Variants in GAP43 observed in about 807,000 individuals in gnomAD.
GAP43 encodes the protein growth associated protein 43.
A neutral mutation model predicts 18.6 loss-of-function variants in GAP43; 6 were observed. That is an observed-to-expected ratio of 0.32 (90% CI 0.18 to 0.64). The LOEUF (loss-of-function observed/expected upper bound fraction) is 0.64. Among genes scored for constraint, GAP43 ranks in the 30% least tolerant of loss-of-function variants. The pLI is 0.78. For synonymous variants in GAP43, 115 were observed against 111.4 expected (o/e 1.03, Z -0.20); for missense variants, 292 against 295.5 (o/e 0.99, Z 0.09).
rs375806733 is a variant in GAP43 at position 115,649,822 on chromosome 3, A to AAAAAAG, written c.30+26106_30+26107insAAGAAA. 1.5e-3 allele frequency among the ~76,000 whole-genome samples: 209 copies of AAAAAAG among 137,242 alleles called. 2 individuals are homozygous for AAAAAAG. The highest frequency in any genetic ancestry group is 6.0e-3 in the South Asian group (25 of 4,188). 90.0% of individuals were successfully genotyped at this position (137,242 alleles called of 152,430 possible). On this transcript the variant is annotated intron_variant, in intron 1 of 2. Transcript: ENST00000305124. ...GAGACCCTGTCTCTAAAAAAAAAAA[A>AAAAAAG]AAAGAAAGAAAGAAAGAAAAAGAAA...
intron 1 of GAP43, among the ~76,000 whole-genome samples, chr3:115,630,331 T>C (rs746932202): frequency 9.2e-5 from 14 of 152,206 alleles, no homozygotes; most frequent in Non-Finnish European, 1.3e-4. Flanking sequence ...CACATAATAA[T>C]ATTTCACAAA....
At chr3:115,640,058 A>G (rs1400403847) in intron 1 of GAP43, among the ~76,000 whole-genome samples, 2 of 152,088 alleles carry the variant, frequency 1.3e-5, no homozygotes, top group African/African-American at 4.8e-5. Context: ...TGTTAGTCTA[A>G]GTTTCAAACT....
intron 1 of GAP43, among the ~76,000 whole-genome samples, chr3:115,623,994 C>T (rs997568424): frequency 6.6e-6 from 1 of 151,710 alleles, no homozygotes; most frequent in Non-Finnish European, 1.5e-5. Flanking sequence ...GAATGCTCAG[C>T]ATTTGAGGTC....
chr3:115,623,763 C>T, intron 1 of GAP43, 44 bp downstream of exon 1: 2 of 1,607,894 alleles, frequency 1.2e-6, no homozygotes, highest in South Asian at 1.1e-5. Context: ...TGAAATAACC[C>T]GAGTACAGTA....
chr3:115,636,058 C>A (rs904685251), intron 1 of GAP43, among the ~76,000 whole-genome samples: 1 of 152,062 alleles, frequency 6.6e-6, no homozygotes, highest in Non-Finnish European at 1.5e-5. Context: ...TATAGTAAAA[C>A]TCCATCTGTA....
chr3:115,712,532 AT>A (rs1157171470), intron 2 of GAP43, among the ~76,000 whole-genome samples: 1 of 152,226 alleles, frequency 6.6e-6, no homozygotes, highest in African/African-American at 2.4e-5. Context: ...AACCCCATAA[AT>A]TGGATTAAAA....
chr3:115,708,577 A>G (rs1709394239), intron 2 of GAP43, among the ~76,000 whole-genome samples: 1 of 152,184 alleles, frequency 6.6e-6, no homozygotes, highest in Non-Finnish European at 1.5e-5. Context: ...TTCAGGGGAA[A>G]TGTCTCAGCC....
chr3:115,674,093 A>G (rs894352386), intron 1 of GAP43, among the ~76,000 whole-genome samples: 1 of 152,206 alleles, frequency 6.6e-6, no homozygotes, highest in African/African-American at 2.4e-5. Flanking sequence ...GACAGGTGGA[A>G]AACTTGTCCT....
intron 1 of GAP43, among the ~76,000 whole-genome samples, chr3:115,662,850 G>A (rs1438970543): frequency 1.3e-5 from 2 of 152,202 alleles, no homozygotes; most frequent in East Asian, 3.8e-4. Context: ...TGCAGAATTA[G>A]ACAATATCTC....
At chr3:115,689,306 T>C (rs1238445059) in intron 2 of GAP43, among the ~76,000 whole-genome samples, 2 of 152,240 alleles carry the variant, frequency 1.3e-5, no homozygotes, top group Non-Finnish European at 2.9e-5. Context: ...CTCAGTAGAC[T>C]TTTCATTTCT....
intron 1 of GAP43, among the ~76,000 whole-genome samples, chr3:115,628,899 A>G (rs140577631): frequency 2.6e-5 from 4 of 152,174 alleles, no homozygotes; most frequent in Non-Finnish European, 5.9e-5. Flanking sequence ...CTTCTGATCC[A>G]TAGTTATCTT....
At chr3:115,649,221 T>G (rs549825531) in intron 1 of GAP43, among the ~76,000 whole-genome samples, 5 of 152,252 alleles carry the variant, frequency 3.3e-5, no homozygotes, top group African/African-American at 1.2e-4. Context: ...TACTGTTGCA[T>G]CCTCACATGG....
intron 1 of GAP43, among the ~76,000 whole-genome samples, chr3:115,643,397 G>C (rs1052874187): frequency 6.6e-6 from 1 of 151,952 alleles, no homozygotes; most frequent in African/African-American, 2.4e-5. Context: ...CTCTAGCCTT[G>C]CCATTAATAC....
intron 1 of GAP43, among the ~76,000 whole-genome samples, chr3:115,666,741 C>T (rs1708738611): frequency 6.6e-6 from 1 of 152,160 alleles, no homozygotes; most frequent in African/African-American, 2.4e-5. Flanking sequence ...ATGTCTAACT[C>T]CGCAGCCCAT....
chr3:115,638,920 C>T (rs922862984), intron 1 of GAP43, among the ~76,000 whole-genome samples: 14 of 152,034 alleles, frequency 9.2e-5, no homozygotes, highest in South Asian at 4.1e-4. Context: ...CTTTATTATA[C>T]GTATTCATGT....
Position 115,676,471 on chromosome 3 carries a change from G to A in GAP43, c.489G>A (p.Glu163=). The change falls in exon 2 of 3, where the codon GAG becomes GAA. Residue 163 remains glutamate (E), a synonymous_variant. Coordinates refer to ENST00000305124, the MANE Select transcript of GAP43 (RefSeq NM_002045.4). ...SSKAEDAPAK[E]EPKQADVPAA... ...AGGCTGAAGATGCCCCAGCCAAGGA[G>A]GAGCCTAAACAAGCCGATGTGCCTG... 8 of 1,614,138 alleles carry A rather than the reference G, an allele frequency of 5.0e-6. No individual in the cohort carries two copies. The highest frequency in any genetic ancestry group is 6.8e-6 in the Non-Finnish European group (8 of 1,180,034).
chr3:115,669,986 T>A (rs566769839), intron 1 of GAP43, among the ~76,000 whole-genome samples: 3 of 112,464 alleles, frequency 2.7e-5, no homozygotes, highest in East Asian at 2.7e-4. Context: ...TTTTTTTTAA[T>A]TTTTTTTTTA....
At chr3:115,711,939 C>T (rs566114879) in intron 2 of GAP43, among the ~76,000 whole-genome samples, 4 of 152,246 alleles carry the variant, frequency 2.6e-5, no homozygotes, top group Admixed American at 6.5e-5. Context: ...TTTACTTCAT[C>T]TTATTCCAAA....
chr3:115,682,991 C>T (rs112879793), intron 2 of GAP43, among the ~76,000 whole-genome samples: 74 of 152,286 alleles, frequency 4.9e-4, no homozygotes, highest in African/African-American at 1.6e-3. Flanking sequence ...GGAAAACAGA[C>T]ATGTTCTTCC....
Sources: gnomAD v4.1 joint callset for allele counts (sites outside exome capture counted in the v4.1 genomes callset) on GRCh38, gnomAD v4.1.1 for gene constraint, MANE v1.5 for transcripts, NCBI Gene and HGNC (gene_info 2026-07-23, HGNC 2026-07-21) for gene names.